Variants in TBC1D2B observed in about 807,000 individuals in gnomAD.
TBC1D2B encodes TBC1 domain family, member 2B.
In TBC1D2B, 64 loss-of-function variants were observed where a neutral mutation model predicts 100.8. The ratio of observed to expected loss-of-function variants is 0.64; its 90% confidence interval spans 0.52 to 0.78. The LOEUF is 0.78. Among genes scored for constraint, TBC1D2B ranks in the 30% least tolerant of loss-of-function variants. The pLI is 0.00. For missense variants in TBC1D2B, 1,052 were observed against 1,218.4 expected (o/e 0.86, Z 2.03); for synonymous variants, 480 against 479.7 (o/e 1.00, Z -0.01).
intron 3 of TBC1D2B, among the ~76,000 whole-genome samples, chr15:78,041,784 A>C (rs2073098676): frequency 6.6e-6 from 1 of 152,148 alleles, no homozygotes; most frequent in Non-Finnish European, 1.5e-5. Context: ...GGTCCCAAAA[A>C]CCTCTGTGAA....
Position 78,047,332 on chromosome 15 carries a change from G to C in TBC1D2B, c.515-2264C>G, listed in dbSNP as rs1253100650. On this transcript the variant is annotated intron_variant, in intron 2 of 12. Coordinates refer to ENST00000300584, the MANE Select transcript of TBC1D2B (RefSeq NM_144572.2). ...TATCATGTATTAAGCACTAGGCACC[G>C]AGGGCACAACAACCAATGAGACAGA... 2.0e-5 allele frequency among the ~76,000 whole-genome samples: 3 copies of C among 152,066 alleles called. No individual in the cohort carries two copies. The South Asian group carries it at 6.2e-4, about 31-fold the overall frequency.
chr15:78,074,429 C>T (rs1351952890), intron 1 of TBC1D2B, among the ~76,000 whole-genome samples: 1 of 152,126 alleles, frequency 6.6e-6, no homozygotes, highest in African/African-American at 2.4e-5. Context: ...TTTTACATGT[C>T]AAAATATTCC....
In TBC1D2B at chr15:77,997,211, C is replaced by G. The variant is rs887783766; in HGVS notation, c.*949G>C. The G allele has an allele frequency of 6.6e-6, 1 of 152,408 alleles. No homozygotes were observed. Among genetic ancestry groups the G allele is most frequent in the African/African-American group, 2.4e-5 (1 of 41,480 alleles). The allele number at this position is 152,408 out of a possible 1,614,324, so 9.4% of individuals were successfully genotyped here. A position where few individuals can be genotyped will look rare whatever the true frequency, so the allele number is the denominator to read the frequency against. ...GTTTTCAGCTGTCCAAGAGCGTTCA[C>G]GCTGCGGCTGCACCACTGCCCTGCA... On this transcript the variant is annotated 3_prime_UTR_variant, in exon 13 of 13. Coordinates refer to ENST00000300584, the MANE Select transcript of TBC1D2B (RefSeq NM_144572.2).
chr15:78,013,128 T>C lies in TBC1D2B; in HGVS notation c.1965A>G (p.Leu655=). Residue 655 remains leucine, a synonymous_variant, in exon 9 of 13, where the codon TTA becomes TTG. Transcript: ENST00000300584. ...VNREMMCSPE[L]KNLIRAGIPH... is the part of the protein sequence containing the mutation. The stretch of plus-strand genomic sequence containing the variant: ...GAATGCCCGCACGGATGAGGTTTTT[T>C]AACTCTGGAGAGCACATCATCTCCC... 2 of 1,614,038 alleles carry C rather than the reference T, an allele frequency of 1.2e-6. No individual in the cohort carries two copies. The highest frequency in any genetic ancestry group is 1.7e-6 in the Non-Finnish European group (2 of 1,179,904).
At position 78,024,517 on chromosome 15, in the gene TBC1D2B, T is replaced by C. The variant is rs555302668; in HGVS notation, c.1109A>G (p.Gln370Arg). Residue 370 changes from glutamine to arginine, a missense_variant, in exon 6 of 13, where the codon CAG becomes CGG. Gln to Arg is a conservative substitution (Grantham distance 43, BLOSUM62 1). Transcript: ENST00000300584. ...SQKELVRLLQ[Q>R]TVRSSQYDKY... The stretch of plus-strand genomic sequence containing the variant: ...GTCATACTGGGATGACCGGACTGTC[T>C]GCTGGAGCAGTCGAACAAGCTCCTG... The C allele has an allele frequency of 1.1e-5, 17 of 1,611,344 alleles. No homozygotes were observed. In the African/African-American group the frequency reaches 1.7e-4, roughly 16 times the overall value.
At chr15:78,021,277 A>T (rs2072509157) in intron 6 of TBC1D2B, among the ~76,000 whole-genome samples, 1 of 151,964 alleles carries the variant, frequency 6.6e-6, no homozygotes, top group African/African-American at 2.4e-5. Flanking sequence ...ATATATAAAC[A>T]TATCTTTAAA....
chr15:78,044,772 A>G, intron 3 of TBC1D2B, 128 bp downstream of exon 3: 1 of 820,898 alleles, frequency 1.2e-6, no homozygotes, highest in Non-Finnish European at 1.9e-6. Flanking sequence ...TCTATGGGAA[A>G]GTATGATGTA....
At chr15:78,016,143 T>C (rs957830448) in intron 8 of TBC1D2B, among the ~76,000 whole-genome samples, 3 of 152,106 alleles carry the variant, frequency 2.0e-5, no homozygotes, top group African/African-American at 7.2e-5. Context: ...ATTTAGTGCT[T>C]TCCCCAAAAA....
rs149135303 is a variant in TBC1D2B, at chr15:78,041,960, G to T, written c.683+2940C>A. The stretch of plus-strand genomic sequence containing the variant: ...ATTATTATCTTCATATTACAAATGA[G>T]AAACGGAGGCACAGAATATTAAGTA... On this transcript the variant is annotated intron_variant, in intron 3 of 12. Coordinates refer to ENST00000300584, the MANE Select transcript of TBC1D2B (RefSeq NM_144572.2). Among the ~76,000 whole-genome samples, 232 of 152,298 alleles carry T rather than the reference G, an allele frequency of 1.5e-3. 1 individual carries two copies. The highest frequency in any genetic ancestry group is 5.4e-3 in the African/African-American group (223 of 41,546).
chr15:78,011,855 C>G (rs1159846585), intron 9 of TBC1D2B, among the ~76,000 whole-genome samples: 1 of 152,024 alleles, frequency 6.6e-6, no homozygotes, highest in Non-Finnish European at 1.5e-5. Context: ...CCATATTGGC[C>G]AGGCTGGTCT....
At chr15:78,024,658 T>G (rs2072612484) in intron 5 of TBC1D2B, 119 bp from the exon 6 acceptor site, 1 of 957,166 alleles carries the variant, frequency 1.0e-6, no homozygotes. Context: ...GAAACTTTAC[T>G]GGAAACATTT....
chr15:77,999,009 G>C (rs1362221869), intron 12 of TBC1D2B: 1 of 216,686 alleles, frequency 4.6e-6, no homozygotes, highest in Non-Finnish European at 9.7e-6. Flanking sequence ...CTGGTCAGTG[G>C]CTTAATAAAA....
rs1331454153 is a variant in TBC1D2B at position 77,997,621 on chromosome 15, A to C, written c.*539T>G. 1 of 152,316 alleles carries C rather than the reference A, an allele frequency of 6.6e-6. No individual in the cohort carries two copies. The highest frequency in any genetic ancestry group is 1.5e-5 in the Non-Finnish European group (1 of 68,100). The allele number at this position is 152,316 out of a possible 1,614,324, so 9.4% of individuals were successfully genotyped here. On this transcript the variant is annotated 3_prime_UTR_variant, in exon 13 of 13. Transcript: ENST00000300584. ...TGGTGGGAGGTTCACAGGCTTTCCTACAGTGGCCATTTCTGAACAAGGGAT... is the reference window on the plus strand; with the variant it reads ...TGGTGGGAGGTTCACAGGCTTTCCTCCAGTGGCCATTTCTGAACAAGGGAT...
intron 1 of TBC1D2B, among the ~76,000 whole-genome samples, chr15:78,071,733 A>G (rs901531620): frequency 6.6e-6 from 1 of 152,236 alleles, no homozygotes; most frequent in African/African-American, 2.4e-5. Context: ...CAGGGCTCAC[A>G]CCAAAACCAG....
At chr15:78,029,865 GT>G (rs1378278820) in intron 4 of TBC1D2B, 141 bp downstream of exon 4, 1 of 540,178 alleles carries the variant, frequency 1.9e-6, no homozygotes, top group Non-Finnish European at 3.0e-6. Flanking sequence ...AAGCCTTTAT[GT>G]TTTAAGTCCG....
At chr15:78,072,095 C>T (rs758450507) in intron 1 of TBC1D2B, among the ~76,000 whole-genome samples, 4 of 152,240 alleles carry the variant, frequency 2.6e-5, no homozygotes, top group Admixed American at 6.5e-5. Context: ...CTCTAAATAT[C>T]ATCACACTGG....
rs1452936828 is a variant in TBC1D2B, at chr15:77,996,825, C to T, written c.*1335G>A. 2 of 152,342 alleles carry T rather than the reference C, an allele frequency of 1.3e-5. No homozygotes were observed. The highest frequency in any genetic ancestry group is 3.9e-4 in the East Asian group (2 of 5,190). 9.4% of individuals were successfully genotyped at this position (152,342 alleles called of 1,614,324 possible). On this transcript the variant is annotated 3_prime_UTR_variant, in exon 13 of 13. Coordinates refer to ENST00000300584, the MANE Select transcript of TBC1D2B (RefSeq NM_144572.2). ...GTAATATGAAACATTCCACTGAGATCATTTATCTTGTATTTTCATAACACT... is the reference window on the plus strand; with the variant it reads ...GTAATATGAAACATTCCACTGAGATTATTTATCTTGTATTTTCATAACACT...
At chr15:78,019,166 C>T (rs1045791930) in intron 6 of TBC1D2B, among the ~76,000 whole-genome samples, 1 of 152,148 alleles carries the variant, frequency 6.6e-6, no homozygotes, top group African/African-American at 2.4e-5. Context: ...TACCACTTCC[C>T]CCATAAAATG....
intron 2 of TBC1D2B, among the ~76,000 whole-genome samples, chr15:78,048,367 T>C (rs956249234): frequency 2.0e-5 from 3 of 152,204 alleles, no homozygotes; most frequent in Non-Finnish European, 2.9e-5. Context: ...TCAATACATG[T>C]CCTAACATTA....
Sources: allele counts gnomAD v4.1 joint callset (sites outside exome capture counted in the v4.1 genomes callset), GRCh38; gene constraint gnomAD v4.1.1; transcripts MANE v1.5; gene names NCBI Gene and HGNC (gene_info 2026-07-23, HGNC 2026-07-21).